CTNNA3: variants seen among roughly 807,000 people sequenced by gnomAD.
CTNNA3 encodes the protein catenin alpha-3.
A neutral mutation model predicts 95.7 loss-of-function variants in CTNNA3; 76 were observed. The ratio of observed to expected loss-of-function variants is 0.79; its 90% CI spans 0.66 to 0.96. CTNNA3 has a LOEUF of 0.96. Ranked by LOEUF, CTNNA3 falls within the 40% of genes least tolerant of loss-of-function variation. The pLI is 0.00. For missense variants in CTNNA3, 1,191 were observed against 1,089.8 expected (o/e 1.09, Z -1.31); for synonymous variants, 431 against 374.4 (o/e 1.15, Z -1.74).
intron 1 of CTNNA3, among the ~76,000 whole-genome samples, chr10:67,716,869 T>C (rs950257294): frequency 6.6e-6 from 1 of 152,232 alleles, no homozygotes; most frequent in Admixed American, 6.5e-5. Flanking sequence ...ATGGTATTTC[T>C]GGTTCTAGAT....
At chr10:67,245,874 A>C (rs954569324) in intron 5 of CTNNA3, among the ~76,000 whole-genome samples, 3 of 148,764 alleles carry the variant, frequency 2.0e-5, no homozygotes, top group South Asian at 4.2e-4. Context: ...AAAAAAAAAA[A>C]CCAGAGAATT....
intron 10 of CTNNA3, among the ~76,000 whole-genome samples, chr10:66,616,468 T>C (rs1238943638): frequency 3.3e-5 from 5 of 152,120 alleles, no homozygotes; most frequent in Admixed American, 1.3e-4. Context: ...AGTGATTGTG[T>C]TCCTCCAGGT....
chr10:67,559,051 T>G (rs1660008155), intron 3 of CTNNA3, among the ~76,000 whole-genome samples: 1 of 152,206 alleles, frequency 6.6e-6, no homozygotes, highest in South Asian at 2.1e-4. Flanking sequence ...GCTCCACCTC[T>G]GGGGGCAGGG....
chr10:66,506,891 TATA>T (rs1840467902), intron 11 of CTNNA3, among the ~76,000 whole-genome samples: 1 of 152,178 alleles, frequency 6.6e-6, no homozygotes. Flanking sequence ...GGAAATTGGT[TATA>T]ATTATATTGT....
intron 13 of CTNNA3, among the ~76,000 whole-genome samples, chr10:66,150,328 C>T (rs2084132050): frequency 6.6e-6 from 1 of 152,130 alleles, no homozygotes. Flanking sequence ...ATTGTGAGGC[C>T]TTGCCAGGCA....
At chr10:66,129,524 G>T (rs1405644617) in intron 13 of CTNNA3, among the ~76,000 whole-genome samples, 1 of 152,146 alleles carries the variant, frequency 6.6e-6, no homozygotes, top group Non-Finnish European at 1.5e-5. Flanking sequence ...TTCCATAGGA[G>T]ACTTTAGCCA....
intron 17 of CTNNA3, among the ~76,000 whole-genome samples, chr10:65,945,067 C>CTTCT (rs2077494989): frequency 6.6e-6 from 1 of 152,044 alleles, no homozygotes; most frequent in African/African-American, 2.4e-5. Flanking sequence ...AAACCAGGCA[C>CTTCT]AAATTTACCT....
intron 12 of CTNNA3, among the ~76,000 whole-genome samples, chr10:66,325,857 ATGTC>A (rs3053766): frequency 0.061 from 9,253 of 152,190 alleles, 437 homozygotes; most frequent in East Asian, 0.11. Flanking sequence ...GGGCAAGACA[ATGTC>A]TGTTATTGAT....
At chr10:67,047,164 C>T (rs977971909) in intron 7 of CTNNA3, among the ~76,000 whole-genome samples, 6 of 152,134 alleles carry the variant, frequency 3.9e-5, no homozygotes, top group African/African-American at 1.4e-4. Flanking sequence ...ATCTCTAGTA[C>T]AATGCTTCAA....
chr10:66,230,143 T>C (rs2089516742), intron 13 of CTNNA3, among the ~76,000 whole-genome samples: 1 of 152,324 alleles, frequency 6.6e-6, no homozygotes, highest in East Asian at 1.9e-4. Flanking sequence ...TTATTTTTTC[T>C]TGGATTGTCT....
intron 5 of CTNNA3, among the ~76,000 whole-genome samples, chr10:67,416,779 T>C (rs967270763): frequency 6.6e-6 from 1 of 151,880 alleles, no homozygotes; most frequent in African/African-American, 2.4e-5. Flanking sequence ...ATGGCTATTA[T>C]TAAAGAGCCA....
intron 1 of CTNNA3, among the ~76,000 whole-genome samples, chr10:67,724,685 G>A (rs1435560072): frequency 6.6e-6 from 1 of 152,174 alleles, no homozygotes; most frequent in Non-Finnish European, 1.5e-5. Context: ...CAGCGTTCCA[G>A]TTTTCAGCTT....
At chr10:66,647,754 C>T (rs1051790852) in intron 9 of CTNNA3, among the ~76,000 whole-genome samples, 51 of 151,586 alleles carry the variant, frequency 3.4e-4, no homozygotes, top group Non-Finnish European at 1.6e-4. Flanking sequence ...CTTCTGACCT[C>T]GTGATCCACC....
chr10:65,921,341 G>A (rs1201681165), intron 17 of CTNNA3, among the ~76,000 whole-genome samples: 2 of 152,150 alleles, frequency 1.3e-5, no homozygotes, highest in African/African-American at 4.8e-5. Flanking sequence ...ATAAATCCTT[G>A]ACAACTATGT....
intron 8 of CTNNA3, among the ~76,000 whole-genome samples, chr10:66,773,300 T>C (rs1368903018): frequency 6.6e-6 from 1 of 152,180 alleles, no homozygotes; most frequent in Non-Finnish European, 1.5e-5. Context: ...GACAGGGTTT[T>C]TGACTGTTTT....
chr10:67,058,126 A>G (rs1228324681), intron 7 of CTNNA3, among the ~76,000 whole-genome samples: 2 of 152,194 alleles, frequency 1.3e-5, no homozygotes, highest in Non-Finnish European at 2.9e-5. Flanking sequence ...ATGCAGTAAT[A>G]TATTTAATAC....
rs1185831998 is a variant in CTNNA3 at position 66,688,638 on chromosome 10, T to A, written c.1282-66854A>T. ...GAAGATTTTTTGTTCATTTATTGTT[T>A]GACTTTACTAACTTTATTTTCTAAA... On this transcript the variant is annotated intron_variant, in intron 9 of 17. Coordinates refer to ENST00000433211, the MANE Select transcript of CTNNA3 (RefSeq NM_013266.4). 2.6e-5 allele frequency among the ~76,000 whole-genome samples: 4 copies of A among 152,248 alleles called. No individual in the cohort carries two copies. The East Asian group carries it at 5.8e-4, about 22-fold the overall frequency.
chr10:66,653,774 A>T (rs1414961510), intron 9 of CTNNA3, among the ~76,000 whole-genome samples: 1 of 152,112 alleles, frequency 6.6e-6, no homozygotes, highest in East Asian at 1.9e-4. Flanking sequence ...AATGGAATGG[A>T]ATAGACAGTC....
intron 7 of CTNNA3, among the ~76,000 whole-genome samples, chr10:66,899,481 T>A (rs1268615971): frequency 6.6e-6 from 1 of 152,158 alleles, no homozygotes; most frequent in Non-Finnish European, 1.5e-5. Flanking sequence ...GGTACCTAGT[T>A]CATCTCATTG....
Sources: allele counts gnomAD v4.1 joint callset (sites outside exome capture counted in the v4.1 genomes callset), GRCh38; gene constraint gnomAD v4.1.1; transcripts MANE v1.5; gene names NCBI Gene and HGNC (gene_info 2026-07-23, HGNC 2026-07-21).